PKHD1L1: variants seen among roughly 807,000 people sequenced by gnomAD.
PKHD1L1 encodes the protein fibrocystin-L.
A neutral mutation model predicts 462.9 loss-of-function variants in PKHD1L1; 434 were observed. The observed-to-expected ratio is 0.94, with a 90% confidence interval of 0.87 to 1.02. The LOEUF (loss-of-function observed/expected upper bound fraction) is 1.02, where lower values mean the gene tolerates loss of function less well. Ranked by LOEUF, PKHD1L1 falls within the 50% of genes least tolerant of loss-of-function variation. The pLI is 0.00. For synonymous variants in PKHD1L1, 1,781 were observed against 1,750.0 expected (o/e 1.02, Z -0.44); for missense variants, 5,202 against 5,096.1 (o/e 1.02, Z -0.63).
Position 109,485,188 on chromosome 8 carries a change from T to G in PKHD1L1, c.9706+15T>G, listed in dbSNP as rs759306056. 5.2e-6 allele frequency: 8 copies of G among 1,530,072 alleles called. No individual in the cohort carries two copies. The highest frequency in any genetic ancestry group is 7.1e-6 in the Non-Finnish European group (8 of 1,129,400). 94.8% of individuals were successfully genotyped at this position (1,530,072 alleles called of 1,614,324 possible). ...TACTCACTTTGGTAAGTGGATGCTT[T>G]TTAACCAAATAGATATATAATTGTG... On this transcript the variant is annotated intron_variant, in intron 58 of 77. Transcript: ENST00000378402.
At chr8:109,506,641 A>G (rs115577404) in intron 68 of PKHD1L1, among the ~76,000 whole-genome samples, 1,540 of 152,326 alleles carry the variant, frequency 0.01, 34 homozygotes, top group African/African-American at 0.035. Context: ...TACATTGCAC[A>G]TATTTGAATA....
chr8:109,401,396 G>A, intron 13 of PKHD1L1, 101 bp from the exon 14 acceptor site: 1 of 693,258 alleles, frequency 1.4e-6, no homozygotes, highest in Non-Finnish European at 2.4e-6. Flanking sequence ...TTCTACTTAT[G>A]AAACTTCTAA....
At chr8:109,524,545 A>C (rs1440220984) in intron 76 of PKHD1L1, among the ~76,000 whole-genome samples, 1 of 152,194 alleles carries the variant, frequency 6.6e-6, no homozygotes, top group Non-Finnish European at 1.5e-5. Flanking sequence ...AGTGGAAAAG[A>C]ACCAACCTTG....
At chr8:109,527,977 G>A (rs1820901204) in intron 77 of PKHD1L1, among the ~76,000 whole-genome samples, 1 of 152,182 alleles carries the variant, frequency 6.6e-6, no homozygotes, top group Non-Finnish European at 1.5e-5. Context: ...GTCACATGGG[G>A]TAAGGTACTG....
rs1490548608 is a variant in PKHD1L1, at chr8:109,400,101, G to A, written c.1038G>A (p.Val346=). 1 of 1,613,170 alleles carries A rather than the reference G, an allele frequency of 6.2e-7. No individual in the cohort carries two copies. Among genetic ancestry groups the A allele is most frequent in the Non-Finnish European group, 8.5e-7 (1 of 1,179,402 alleles). The change falls in exon 13 of 78, where the codon GTG becomes GTA. Residue 346 remains valine (V), a synonymous_variant. Coordinates refer to ENST00000378402, the MANE Select transcript of PKHD1L1 (RefSeq NM_177531.6). ...YPGGRGLKLE[V]WNNSRPIRLE... ...GAGGGAGAGGCCTGAAGCTTGAGGT[G>A]TGGAATAATAGCCGTCCAATACGTT...
intron 61 of PKHD1L1, among the ~76,000 whole-genome samples, chr8:109,491,532 G>C (rs1818826312): frequency 6.6e-6 from 1 of 151,474 alleles, no homozygotes; most frequent in Non-Finnish European, 1.5e-5. Flanking sequence ...ACAACTTTAG[G>C]CATATTATAT....
At chr8:109,409,643 T>C (rs1813733977) in intron 18 of PKHD1L1, among the ~76,000 whole-genome samples, 1 of 152,238 alleles carries the variant, frequency 6.6e-6, no homozygotes, top group South Asian at 2.1e-4. Flanking sequence ...GCCAATTGTA[T>C]GTAACTATTG....
chr8:109,379,213 A>G (rs895220405), intron 2 of PKHD1L1, among the ~76,000 whole-genome samples: 3 of 152,200 alleles, frequency 2.0e-5, no homozygotes, highest in Non-Finnish European at 4.4e-5. Flanking sequence ...AGTTGATTAC[A>G]GCACTTTCCT....
chr8:109,511,134 T>A (rs1819952954), intron 71 of PKHD1L1, among the ~76,000 whole-genome samples, 200 bp downstream of exon 71: 1 of 152,118 alleles, frequency 6.6e-6, no homozygotes, highest in African/African-American at 2.4e-5. Context: ...AGCATCACCA[T>A]CATCCCCTTG....
intron 56 of PKHD1L1, 64 bp downstream of exon 56, chr8:109,481,626 C>T (rs1243044923): frequency 1.5e-6 from 2 of 1,363,698 alleles, no homozygotes; most frequent in Admixed American, 3.1e-5. Context: ...AAATATATGG[C>T]ACTAAAGTAC....
At chr8:109,463,530 C>G (rs569801028) in intron 48 of PKHD1L1, among the ~76,000 whole-genome samples, 2 of 152,088 alleles carry the variant, frequency 1.3e-5, no homozygotes, top group African/African-American at 2.4e-5. Context: ...TATTTCCTTA[C>G]CCCATGAGAT....
At chr8:109,512,119 C>T (rs919821807) in intron 71 of PKHD1L1, among the ~76,000 whole-genome samples, 17 of 151,970 alleles carry the variant, frequency 1.1e-4, no homozygotes, top group East Asian at 3.9e-4. Context: ...GAGTAGGTCG[C>T]GAAAATTTTC....
intron 67 of PKHD1L1, chr8:109,499,151 T>A (rs57439661): frequency 5.7e-6 from 1 of 176,446 alleles, no homozygotes. Flanking sequence ...TTCCCACAGC[T>A]ATTGGCACAG....
rs371454477 is a variant in PKHD1L1 at position 109,481,447 on chromosome 8, C to T, written c.9342C>T (p.Ile3114=). ...CTTCATTTCAGGGAGGTAGATTAAT[C>T]GGTGGCTGGGAAGATAACCCTTTTA... is the stretch of plus-strand genomic sequence containing the variant. The part of the protein sequence containing the change: ...TYISLQGGRL[I]GGWEDNPFKG... The change falls in exon 56 of 78, where the codon ATC becomes ATT. Residue 3114 remains isoleucine (I), a synonymous_variant. Coordinates refer to ENST00000378402, the MANE Select transcript of PKHD1L1 (RefSeq NM_177531.6). 24 of 1,595,786 alleles carry T rather than the reference C, an allele frequency of 1.5e-5. No homozygotes were observed. The highest frequency in any genetic ancestry group is 1.7e-5 in the Admixed American group (1 of 57,818).
intron 8 of PKHD1L1, among the ~76,000 whole-genome samples, chr8:109,389,810 G>A (rs1812627537): frequency 6.6e-6 from 1 of 152,070 alleles, no homozygotes; most frequent in African/African-American, 2.4e-5. Context: ...TTACAGGGGT[G>A]AGCCAACGCG....
intron 24 of PKHD1L1, 49 bp downstream of exon 24, chr8:109,425,281 A>G: frequency 1.4e-6 from 2 of 1,398,322 alleles, no homozygotes; most frequent in Non-Finnish European, 1.9e-6. Flanking sequence ...ACACATATGT[A>G]TAACCTTATA....
Position 109,466,891 on chromosome 8 carries a change from G to C in PKHD1L1, c.8605+122G>C, listed in dbSNP as rs963497095. ...TGCAAAAAGTATAACATTTATATTA[G>C]AGTCCAAGCAGGAAACAAATAATAC... On this transcript the variant is annotated intron_variant, in intron 50 of 77. Coordinates refer to ENST00000378402, the MANE Select transcript of PKHD1L1 (RefSeq NM_177531.6). 2.0e-5 allele frequency: 18 copies of C among 894,778 alleles called. No individual in the cohort carries two copies. In the East Asian group the frequency reaches 4.6e-4, roughly 23 times the overall value. The allele number at this position is 894,778 out of a possible 1,614,324, so 55.4% of individuals were successfully genotyped here.
chr8:109,437,387 C>A (rs1197412377), intron 30 of PKHD1L1, among the ~76,000 whole-genome samples: 1 of 152,114 alleles, frequency 6.6e-6, no homozygotes, highest in East Asian at 1.9e-4. Context: ...TACATGTGCA[C>A]AACGTGCAGG....
Position 109,440,814 on chromosome 8 carries a change from G to A in PKHD1L1, c.4061G>A (p.Gly1354Glu). 6.2e-7 allele frequency: 1 copy of A among 1,613,008 alleles called. No homozygotes were observed. Among genetic ancestry groups the A allele is most frequent in the South Asian group, 1.1e-5 (1 of 91,008 alleles). ...ACTGAAATCACCATAAGGGGTTTTG[G>A]ATTCAGCACAATACCAGCTGAGAAT... ...GGTEITIRGFGFSTIPAENTV... is the reference protein window; with the variant it reads ...GGTEITIRGFEFSTIPAENTV... The change falls in exon 33 of 78, where the codon GGA becomes GAA. Residue 1354 changes from glycine (G) to glutamate (E), a missense_variant. Gly to Glu is a moderately conservative substitution (Grantham distance 98). Transcript: ENST00000378402.
Sources: gnomAD v4.1 joint callset for allele counts (sites outside exome capture counted in the v4.1 genomes callset) on GRCh38, gnomAD v4.1.1 for gene constraint, MANE v1.5 for transcripts, NCBI Gene and HGNC (gene_info 2026-07-23, HGNC 2026-07-21) for gene names.